The following RNF128 variants were observed in gnomAD, a reference collection of about 807,000 sequenced individuals.
RNF128 encodes ring finger protein 128.
RNF128 carries 13 observed loss-of-function variants against 26.2 expected under a neutral mutation model. The observed-to-expected ratio is 0.50, with a 90% CI of 0.32 to 0.79. The LOEUF is 0.79. Ranked by LOEUF, RNF128 falls within the 30% of genes least tolerant of loss-of-function variation. The pLI, the probability that RNF128 is intolerant of heterozygous loss-of-function variation, is 0.03. For missense variants in RNF128, 315 were observed against 349.7 expected (o/e 0.90, Z 0.79); for synonymous variants, 149 against 142.5 (o/e 1.05, Z -0.32).
At chrX:106,784,733 T>C (rs191347851) in intron 2 of RNF128, among the ~76,000 whole-genome samples, 1 of 111,905 alleles carries the variant, frequency 8.9e-6, no homozygotes, top group Non-Finnish European at 1.9e-5. Context: ...ATTAATGTCC[T>C]CTGAGCTTGC....
At chrX:106,760,610 T>C (rs1032395232) in intron 1 of RNF128, among the ~76,000 whole-genome samples, 1 of 111,677 alleles carries the variant, frequency 9.0e-6, no homozygotes, top group Non-Finnish European at 1.9e-5. Flanking sequence ...GAAATACAAT[T>C]ACCATATAAT....
chrX:106,708,139 C>T (rs1196837221), intron 1 of RNF128, among the ~76,000 whole-genome samples: 4 of 111,845 alleles, frequency 3.6e-5, no homozygotes, highest in Non-Finnish European at 5.6e-5. Context: ...ATTGGGGTTC[C>T]TCGGCTTGAT....
At chrX:106,708,765 A>T (rs983401476) in intron 1 of RNF128, among the ~76,000 whole-genome samples, 4 of 111,999 alleles carry the variant, frequency 3.6e-5, no homozygotes, top group African/African-American at 9.7e-5. Context: ...TTTTTAAAAA[A>T]CTTTAAGAGG....
intron 1 of RNF128, among the ~76,000 whole-genome samples, chrX:106,698,882 C>T (rs939917238): frequency 9.0e-6 from 1 of 111,201 alleles, no homozygotes; most frequent in African/African-American, 3.3e-5. Context: ...CCTCTCACTC[C>T]CTCCTCTTCT....
At chrX:106,702,888 T>C (rs1928982549) in intron 1 of RNF128, among the ~76,000 whole-genome samples, 1 of 111,914 alleles carries the variant, frequency 8.9e-6, no homozygotes, top group Admixed American at 9.5e-5. Context: ...CCACCTATGC[T>C]CAGGACATGC....
chrX:106,696,886 C>A (rs1405939815), intron 1 of RNF128, among the ~76,000 whole-genome samples: 1 of 111,967 alleles, frequency 8.9e-6, no homozygotes, highest in Non-Finnish European at 1.9e-5. Context: ...CACAGGGCAT[C>A]CTACTAAGAG....
intron 1 of RNF128, among the ~76,000 whole-genome samples, chrX:106,736,198 C>G (rs1485229602): frequency 9.0e-6 from 1 of 111,398 alleles, no homozygotes; most frequent in African/African-American, 3.3e-5. Flanking sequence ...TTATTTTACA[C>G]TTTATTAATG....
rs200872310 is a variant in RNF128, at chrX:106,795,685, A to T, written c.1259A>T (p.Glu420Val). 246 of 1,197,669 alleles carry T rather than the reference A, an allele frequency of 2.1e-4. 1 individual carries two copies. The highest frequency in any genetic ancestry group is 2.0e-4 in the Non-Finnish European group (181 of 889,570). The change falls in exon 7 of 7, where the codon GAG becomes GTG. Residue 420 changes from glutamate to valine, a missense_variant. Transcript: ENST00000255499. ...GAAGAAGACGAAACTCCTAATCAAG[A>T]GACTGCTGTTCGAGAAATTAAATCT... ...TFEEDETPNQETAVREIKS is the reference protein window; with the variant it reads ...TFEEDETPNQVTAVREIKS
At chrX:106,765,478 A>G (rs1331088855) in intron 1 of RNF128, among the ~76,000 whole-genome samples, 1 of 111,502 alleles carries the variant, frequency 9.0e-6, no homozygotes, top group Admixed American at 9.5e-5. Context: ...CTTTTAGAGA[A>G]AAGACAAATA....
In RNF128 at chrX:106,787,900, A is replaced by G. The variant is rs1034079862; in HGVS notation, c.805-18A>G. 6.2e-6 allele frequency: 7 copies of G among 1,135,286 alleles called. No homozygotes were observed. The highest frequency in any genetic ancestry group is 1.9e-5 in the South Asian group (1 of 52,756). 93.6% of individuals were successfully genotyped at this position (1,135,286 alleles called of 1,213,427 possible). On this transcript the variant is annotated intron_variant, in intron 3 of 6. Coordinates refer to ENST00000255499, the MANE Select transcript of RNF128 (RefSeq NM_194463.2). ...TTTTTTCTTATCTGTCAGAGTAACAATAACTACTTGCTTGTAGGAAATTGG... is the reference window on the plus strand; with the variant it reads ...TTTTTTCTTATCTGTCAGAGTAACAGTAACTACTTGCTTGTAGGAAATTGG...
At chrX:106,791,832 G>C (rs1294393826) in intron 6 of RNF128, among the ~76,000 whole-genome samples, 1 of 111,191 alleles carries the variant, frequency 9.0e-6, no homozygotes, top group Non-Finnish European at 1.9e-5. Context: ...ATTTTAGGGA[G>C]TTCTGTTTTT....
chrX:106,741,293 C>T (rs1223941994), intron 1 of RNF128, among the ~76,000 whole-genome samples: 1 of 111,643 alleles, frequency 9.0e-6, no homozygotes, highest in Non-Finnish European at 1.9e-5. Flanking sequence ...TTTATGCCCT[C>T]TGAAATTCCT....
At chrX:106,723,933 G>T (rs1324865389), upstream of RNF128, among the ~76,000 whole-genome samples, 1 of 110,956 alleles carries the variant, frequency 9.0e-6, no homozygotes, top group Non-Finnish European at 1.9e-5. Context: ...TTGAAGGCAA[G>T]GGCTGTTTCT....
chrX:106,763,810 A>T (rs1930163638), intron 1 of RNF128, among the ~76,000 whole-genome samples: 1 of 110,387 alleles, frequency 9.1e-6, no homozygotes, highest in Non-Finnish European at 1.9e-5. Context: ...CGCCCGGCCA[A>T]TTCAGGTTTT....
chrX:106,772,913 G>A lies in RNF128; in HGVS notation c.485G>A (p.Gly162Asp), dbSNP rs1442632095. Residue 162 changes from glycine (G) to aspartate (D), a missense_variant and splice_region_variant, in exon 2 of 7, where the codon GGT (glycine) becomes GAT (aspartate). Transcript: ENST00000255499. ...RNEVIPMSHP[G>D]AVDIVAIMIG... Reference sequence around the variant, plus strand: ...AAACTGAATTTGTTTTATTTTACAGGTGCAGTAGACATTGTTGCAATCATG... The same window carrying A: ...AAACTGAATTTGTTTTATTTTACAGATGCAGTAGACATTGTTGCAATCATG... 9.1e-6 allele frequency: 11 copies of A among 1,204,985 alleles called. No individual in the cohort carries two copies. Among genetic ancestry groups the A allele is most frequent in the African/African-American group, 1.8e-5 (1 of 56,814 alleles).
intron 1 of RNF128, among the ~76,000 whole-genome samples, chrX:106,699,704 T>C (rs1429588950): frequency 1.8e-5 from 2 of 112,125 alleles, no homozygotes; most frequent in African/African-American, 6.5e-5. Context: ...AGTTGCATGA[T>C]CTGGCCTCTG....
chrX:106,795,244 G>A (rs1930894582), intron 6 of RNF128, among the ~76,000 whole-genome samples: 1 of 111,535 alleles, frequency 9.0e-6, no homozygotes, highest in Middle Eastern at 4.6e-3. Flanking sequence ...GTGCCCAGGT[G>A]ATTGAAATGT....
chrX:106,738,121 G>A (rs1929631843), intron 1 of RNF128, among the ~76,000 whole-genome samples: 1 of 111,558 alleles, frequency 9.0e-6, no homozygotes, highest in African/African-American at 3.3e-5. Context: ...TTGAAATTGG[G>A]GGACAGCATA....
intron 1 of RNF128, among the ~76,000 whole-genome samples, chrX:106,747,227 A>G (rs913785363): frequency 9.0e-6 from 1 of 111,714 alleles, no homozygotes; most frequent in African/African-American, 3.2e-5. Flanking sequence ...CCATGAAAGA[A>G]AAGGGTGTGA....
Sources: gnomAD v4.1 joint callset for allele counts (sites outside exome capture counted in the v4.1 genomes callset) on GRCh38, gnomAD v4.1.1 for gene constraint, MANE v1.5 for transcripts, NCBI Gene and HGNC (gene_info 2026-07-23, HGNC 2026-07-21) for gene names.